The following SMAP2 variants were observed in gnomAD, a reference collection of about 807,000 sequenced individuals.
The protein encoded by SMAP2 is stromal membrane-associated protein 2.
A neutral mutation model predicts 56.4 loss-of-function variants in SMAP2; 25 were observed. The observed-to-expected ratio is 0.44, with a 90% CI of 0.32 to 0.62. SMAP2 has a LOEUF of 0.62. Among genes scored for constraint, SMAP2 ranks in the 20% least tolerant of loss-of-function variants. The pLI, the probability that SMAP2 is intolerant of heterozygous loss-of-function variation, is 0.04. For synonymous variants in SMAP2, 157 were observed against 181.7 expected, an observed-to-expected ratio of 0.86 and a Z score of 1.09; for missense variants, 388 against 545.6, an observed-to-expected ratio of 0.71 and a Z score of 2.88.
chr1:40,353,633 G>T (rs532594444), intron 1 of SMAP2, among the ~76,000 whole-genome samples: 2 of 152,310 alleles, frequency 1.3e-5, no homozygotes, highest in East Asian at 1.9e-4. Context: ...GCCTCCCAAA[G>T]TGCTGGGATT....
At chr1:40,413,931 C>A (rs1162435740) in intron 5 of SMAP2, 5 of 481,034 alleles carry the variant, frequency 1.0e-5, no homozygotes, top group Non-Finnish European at 1.5e-5. Flanking sequence ...CTTTAGGACA[C>A]CAGACAATCA....
rs534632617 is a variant in SMAP2 at position 40,385,814 on chromosome 1, C to T, written c.103+11591C>T. ...TATTTCACCTCAGTGGTCTGAAGTG[C>T]GCACACAGTACATTTTGTTCTTTAA... On this transcript the variant is annotated intron_variant, in intron 1 of 9. Coordinates refer to ENST00000372718, the MANE Select transcript of SMAP2 (RefSeq NM_022733.3). This position sits in a 1 kb window ranked among gnomAD's most constrained non-coding sequence, Gnocchi z 4.5. 2.6e-5 allele frequency among the ~76,000 whole-genome samples: 4 copies of T among 152,292 alleles called. No homozygotes were observed. Among genetic ancestry groups the T allele is most frequent in the South Asian group, 2.1e-4 (1 of 4,826 alleles).
Position 40,386,716 on chromosome 1 carries a change from T to C in SMAP2, c.103+12493T>C, listed in dbSNP as rs1644658812. ...GGAGATAGGAGGATCCCTGTGCTTA[T>C]AATCTAAACATCAGTAAATGCTGGT... On this transcript the variant is annotated intron_variant, in intron 1 of 9. Coordinates refer to ENST00000372718, the MANE Select transcript of SMAP2 (RefSeq NM_022733.3). The surrounding 1 kb of genome is among the most constrained non-coding windows in gnomAD (Gnocchi z 4.1). Among the ~76,000 whole-genome samples, 1 of 150,788 alleles carries C rather than the reference T, an allele frequency of 6.6e-6. No homozygotes were observed. Among genetic ancestry groups the C allele is most frequent in the East Asian group, 1.9e-4 (1 of 5,132 alleles).
At chr1:40,352,942 G>A (rs1041499839) in intron 1 of SMAP2, among the ~76,000 whole-genome samples, 1 of 152,186 alleles carries the variant, frequency 6.6e-6, no homozygotes, top group African/African-American at 2.4e-5. Flanking sequence ...ACTCCCATCT[G>A]AAGAATCTGA....
At chr1:40,391,976 TA>T (rs1644721476) in intron 1 of SMAP2, among the ~76,000 whole-genome samples, 1 of 152,108 alleles carries the variant, frequency 6.6e-6, no homozygotes, top group Non-Finnish European at 1.5e-5. Flanking sequence ...GGTTTAATTA[TA>T]GTATCAAGTT....
chr1:40,417,480 G>A (rs1233805459), intron 9 of SMAP2, among the ~76,000 whole-genome samples: 3 of 152,044 alleles, frequency 2.0e-5, no homozygotes, highest in Non-Finnish European at 2.9e-5. Flanking sequence ...CAAATCCAGC[G>A]GAGCCAGCAT....
chr1:40,406,229 C>T (rs1368255561), intron 1 of SMAP2, among the ~76,000 whole-genome samples: 3 of 152,174 alleles, frequency 2.0e-5, no homozygotes, highest in Non-Finnish European at 4.4e-5. Context: ...GCTTTGCACT[C>T]CTGGGATTTT....
At chr1:40,389,064 C>T (rs1318283987) in intron 1 of SMAP2, among the ~76,000 whole-genome samples, 2 of 152,124 alleles carry the variant, frequency 1.3e-5, no homozygotes, top group Non-Finnish European at 2.9e-5. Context: ...ACTCCGGACA[C>T]GCCGCCTTTA....
chr1:40,409,934 A>C, intron 4 of SMAP2, 99 bp downstream of exon 4: 1 of 810,688 alleles, frequency 1.2e-6, no homozygotes, highest in Non-Finnish European at 2.1e-6. Context: ...AACACTCCAA[A>C]ACCATCTTTT....
intron 1 of SMAP2, among the ~76,000 whole-genome samples, chr1:40,351,968 T>A (rs1225735457): frequency 6.6e-6 from 1 of 151,942 alleles, no homozygotes; most frequent in Non-Finnish European, 1.5e-5. Context: ...GTTATGCACA[T>A]CCCTGCAAAT....
At chr1:40,411,130 G>A (rs1644931689) in intron 4 of SMAP2, among the ~76,000 whole-genome samples, 1 of 152,206 alleles carries the variant, frequency 6.6e-6, no homozygotes, top group Admixed American at 6.5e-5. Flanking sequence ...ACACAGGCAA[G>A]TAAGTGTAAT....
At chr1:40,354,249 A>G (rs1358984937) in intron 1 of SMAP2, among the ~76,000 whole-genome samples, 1 of 152,194 alleles carries the variant, frequency 6.6e-6, no homozygotes, top group Non-Finnish European at 1.5e-5. Flanking sequence ...TTCAAATGGA[A>G]TAAAGACTGC....
At chr1:40,390,999 ATTTTGGGTGAT>A (rs1193733298) in intron 1 of SMAP2, among the ~76,000 whole-genome samples, 1 of 152,162 alleles carries the variant, frequency 6.6e-6, no homozygotes, top group Non-Finnish European at 1.5e-5. Flanking sequence ...GACTATTGAC[ATTTTGGGTGAT>A]TCCTTGTTGT....
At chr1:40,357,093 AT>A (rs1386761513) in intron 1 of SMAP2, among the ~76,000 whole-genome samples, 7 of 151,760 alleles carry the variant, frequency 4.6e-5, no homozygotes, top group Admixed American at 1.3e-4. Flanking sequence ...TGGTTTGCAC[AT>A]TTTTTTCCCC....
chr1:40,417,121 G>A (rs1183070614), intron 9 of SMAP2, 25 bp downstream of exon 9: 16 of 1,565,130 alleles, frequency 1.0e-5, no homozygotes, highest in African/African-American at 1.4e-5. Context: ...TTTACTTGCA[G>A]CAAGAGTTTT....
In SMAP2 at chr1:40,374,302, T is replaced by G. The variant is rs1344347083; in HGVS notation, c.103+79T>G. 3 of 1,258,352 alleles carry G rather than the reference T, an allele frequency of 2.4e-6. No individual in the cohort carries two copies. The African/African-American group carries it at 4.4e-5, about 19-fold the overall frequency. The allele number at this position is 1,258,352 out of a possible 1,614,324, so 77.9% of individuals were successfully genotyped here. A position where few individuals can be genotyped will look rare whatever the true frequency, so the allele number is the denominator to read the frequency against. On this transcript the variant is annotated intron_variant, in intron 1 of 9. Transcript: ENST00000372718. The surrounding 1 kb of genome is among the most constrained non-coding windows in gnomAD (Gnocchi z 5.9). ...GTGGGCTGCGTGAAGAGGCGGTTTC[T>G]GAAGCTTAGGCCGCCCAACTCGGCT...
rs71060369 is a variant in SMAP2 at position 40,345,966 on chromosome 1, CTT to C, written c.-83+1083_-83+1084del. Reference sequence around the variant, plus strand: ...GTCTTCAGACCTGGTATTTCTATCACTTTTTTTTTTTTTTTTTTTTTTTTTTT... The same window carrying C: ...GTCTTCAGACCTGGTATTTCTATCACTTTTTTTTTTTTTTTTTTTTTTTTT... On this transcript the variant is annotated intron_variant, in intron 1 of 6. Transcript: ENST00000435168. 9.2e-3 allele frequency among the ~76,000 whole-genome samples: 322 copies of C among 35,176 alleles called. 1 individual carries two copies. The highest frequency in any genetic ancestry group is 0.017 in the African/African-American group (308 of 17,754). 23.1% of individuals were successfully genotyped at this position (35,176 alleles called of 152,430 possible).
chr1:40,410,367 T>C (rs1644923098), intron 4 of SMAP2, among the ~76,000 whole-genome samples: 1 of 151,928 alleles, frequency 6.6e-6, no homozygotes, highest in Non-Finnish European at 1.5e-5. Flanking sequence ...GTGTTAGTGA[T>C]GATTCCCAGT....
chr1:40,356,457 C>T (rs1389974405), intron 1 of SMAP2, among the ~76,000 whole-genome samples: 2 of 147,292 alleles, frequency 1.4e-5, no homozygotes, highest in East Asian at 4.0e-4. Context: ...GTCGCCTAGG[C>T]TGGAGTGCAG....
Sources: allele counts gnomAD v4.1 joint callset (sites outside exome capture counted in the v4.1 genomes callset), GRCh38; gene constraint gnomAD v4.1.1; non-coding constraint Gnocchi (gnomAD v3.1); transcripts MANE v1.5; gene names NCBI Gene and HGNC (gene_info 2026-07-23, HGNC 2026-07-21).